SDC4: variants seen among roughly 807,000 people sequenced by gnomAD.
SDC4 encodes the protein syndecan-4.
In SDC4, 17 loss-of-function variants were observed where a neutral mutation model predicts 20.5. That is an observed-to-expected ratio of 0.83 (90% CI 0.57 to 1.25). The LOEUF is 1.25. Ranked by LOEUF, SDC4 falls within the 50% of genes most tolerant of loss-of-function variation. The pLI, the probability that SDC4 is intolerant of heterozygous loss-of-function variation, is 0.00. For missense variants in SDC4, 241 were observed against 252.3 expected (o/e 0.96, Z 0.30); for synonymous variants, 107 against 105.3 (o/e 1.02, Z -0.10).
chr20:45,336,277 G>A (rs909811834), intron 1 of SDC4, among the ~76,000 whole-genome samples: 3 of 152,166 alleles, frequency 2.0e-5, no homozygotes, highest in Admixed American at 1.3e-4. Context: ...GCTGGGCGTG[G>A]TGGCTTACGC....
intron 1 of SDC4, among the ~76,000 whole-genome samples, chr20:45,343,875 C>A (rs555054948): frequency 6.6e-6 from 1 of 152,310 alleles, no homozygotes; most frequent in Non-Finnish European, 1.5e-5. Flanking sequence ...TTCGCCACAC[C>A]GGTATCATGA....
chr20:45,337,841 G>C (rs1457648906), intron 1 of SDC4, among the ~76,000 whole-genome samples: 15 of 152,234 alleles, frequency 9.9e-5, no homozygotes, highest in Non-Finnish European at 2.1e-4. Context: ...CTCTCTCCCG[G>C]GGAGTGGGGA....
chr20:45,337,111 G>A (rs976174720), intron 1 of SDC4, among the ~76,000 whole-genome samples: 4 of 152,044 alleles, frequency 2.6e-5, no homozygotes, highest in Non-Finnish European at 5.9e-5. Context: ...CAGTTACCCT[G>A]CTCCCATCCT....
rs1356013038 is a variant in SDC4 at position 45,338,055 on chromosome 20, G to A, written c.61-2135C>T. Among the ~76,000 whole-genome samples the A allele has an allele frequency of 2.6e-5, 4 of 152,206 alleles. No homozygotes were observed. In the East Asian group the frequency reaches 7.7e-4, roughly 29 times the overall value. Reference sequence around the variant, plus strand: ...TGGCTGCCCAAGTGCCTATACCTAAGGGCAGGGTCCCTGTGCTCCTACCTC... The same window carrying A: ...TGGCTGCCCAAGTGCCTATACCTAAAGGCAGGGTCCCTGTGCTCCTACCTC... On this transcript the variant is annotated intron_variant, in intron 1 of 4. Coordinates refer to ENST00000372733, the MANE Select transcript of SDC4 (RefSeq NM_002999.4).
chr20:45,342,554 A>G (rs958273307), intron 1 of SDC4, among the ~76,000 whole-genome samples: 1 of 152,138 alleles, frequency 6.6e-6, no homozygotes, highest in Non-Finnish European at 1.5e-5. Flanking sequence ...TGTGCCAGAG[A>G]AAACTGGAGC....
In SDC4 at chr20:45,328,060, G is replaced by A. The variant is rs183596132; in HGVS notation, c.446-645C>T. Among the ~76,000 whole-genome samples the A allele has an allele frequency of 7.2e-5, 11 of 152,350 alleles. No homozygotes were observed. The East Asian group carries it at 1.7e-3, about 24-fold the overall frequency. ...GGAACAGGAGAAAACCGTAGGCTAT[G>A]GAAATCCCTGTAGACATATTTATCC... On this transcript the variant is annotated intron_variant, in intron 4 of 4. Transcript: ENST00000372733.
At chr20:45,346,285 C>G (rs6032129) in intron 1 of SDC4, among the ~76,000 whole-genome samples, 13,661 of 152,172 alleles carry the variant, frequency 0.09, 1,347 homozygotes, top group African/African-American at 0.25. Context: ...AAAGGGGAAG[C>G]CCTGTGCCCC....
chr20:45,336,574 A>T (rs538882964), intron 1 of SDC4, among the ~76,000 whole-genome samples: 1 of 152,256 alleles, frequency 6.6e-6, no homozygotes, highest in African/African-American at 2.4e-5. Context: ...TTTTGGTGAC[A>T]CAGCTGGCAG....
intron 1 of SDC4, among the ~76,000 whole-genome samples, chr20:45,346,803 C>T (rs892042348): frequency 2.0e-5 from 3 of 152,186 alleles, no homozygotes; most frequent in Non-Finnish European, 4.4e-5. Context: ...ATTCCTTTGC[C>T]TTCCAGCCTA....
chr20:45,337,880 G>C (rs555126825), intron 1 of SDC4, among the ~76,000 whole-genome samples: 1 of 152,238 alleles, frequency 6.6e-6, no homozygotes, highest in Non-Finnish European at 1.5e-5. Context: ...ACCCGTGGGG[G>C]TGGAAAGCCA....
At chr20:45,334,266 C>T (rs1987826980) in intron 2 of SDC4, among the ~76,000 whole-genome samples, 1 of 151,804 alleles carries the variant, frequency 6.6e-6, no homozygotes, top group South Asian at 2.1e-4. Context: ...CACAGTGCTT[C>T]AATTACAGGT....
intron 1 of SDC4, among the ~76,000 whole-genome samples, chr20:45,346,541 G>A (rs1355310834): frequency 6.6e-6 from 1 of 152,186 alleles, no homozygotes. Flanking sequence ...GAGGAAACTG[G>A]CATGTGACTG....
At position 45,348,388 on chromosome 20, in the gene SDC4, A is replaced by G; in HGVS notation, c.-4T>C. 6.4e-7 allele frequency: 1 copy of G among 1,571,152 alleles called. No individual in the cohort carries two copies. On this transcript the variant is annotated 5_prime_UTR_variant, in exon 1 of 5. Transcript: ENST00000372733. The stretch of plus-strand genomic sequence containing the variant: ...CGAACAGACGGGCGGGGGCCATGGC[A>G]CCGCGGACTGGAGAAGGCGCGCAGG...
At chr20:45,346,124 A>G (rs569749265) in intron 1 of SDC4, among the ~76,000 whole-genome samples, 5 of 152,110 alleles carry the variant, frequency 3.3e-5, no homozygotes, top group Non-Finnish European at 7.4e-5. Context: ...ATCACTCCTA[A>G]CTGCTATTAG....
chr20:45,346,199 T>C (rs901898844), intron 1 of SDC4, among the ~76,000 whole-genome samples: 1 of 152,094 alleles, frequency 6.6e-6, no homozygotes, highest in Non-Finnish European at 1.5e-5. Context: ...CGCTGGATCA[T>C]CTCTTCAGTC....
intron 2 of SDC4, among the ~76,000 whole-genome samples, chr20:45,334,056 G>A (rs1987823508): frequency 6.6e-6 from 1 of 151,458 alleles, no homozygotes; most frequent in South Asian, 2.1e-4. Flanking sequence ...GTACCGTGGT[G>A]CCATCTCGGC....
At chr20:45,338,506 C>T (rs764774445) in intron 1 of SDC4, among the ~76,000 whole-genome samples, 8 of 152,192 alleles carry the variant, frequency 5.3e-5, no homozygotes, top group Admixed American at 1.3e-4. Context: ...CCTCACTGCC[C>T]CCAGGAGCCA....
chr20:45,329,167 G>T (rs1004002610), intron 4 of SDC4, among the ~76,000 whole-genome samples: 2 of 152,168 alleles, frequency 1.3e-5, no homozygotes, highest in Non-Finnish European at 2.9e-5. Context: ...CTGGAATGGG[G>T]GATTCCACCA....
intron 4 of SDC4, 144 bp from the exon 5 acceptor site, chr20:45,327,559 T>C: frequency 1.1e-6 from 1 of 917,706 alleles, no homozygotes. Flanking sequence ...GCTGATGCCT[T>C]ATTTAAGTTG....
Sources: allele counts gnomAD v4.1 joint callset (sites outside exome capture counted in the v4.1 genomes callset), GRCh38; gene constraint gnomAD v4.1.1; transcripts MANE v1.5; gene names NCBI Gene and HGNC (gene_info 2026-07-23, HGNC 2026-07-21).